Variants in AGTPBP1 observed in about 807,000 individuals in gnomAD.
AGTPBP1 encodes cytosolic carboxypeptidase 1.
A neutral mutation model predicts 143.9 loss-of-function variants in AGTPBP1; 70 were observed. The observed-to-expected ratio is 0.49, with a 90% CI of 0.40 to 0.59. AGTPBP1 has a LOEUF of 0.59. Ranked by LOEUF, AGTPBP1 falls within the 20% of genes least tolerant of loss-of-function variation. The probability of loss-of-function intolerance (pLI) is 0.00; values close to 1 mark genes in which losing one functional copy is unlikely to be tolerated. For missense variants in AGTPBP1, 1,229 were observed against 1,464.5 expected (o/e 0.84, Z 2.62); for synonymous variants, 463 against 500.2 (o/e 0.93, Z 0.99).
intron 4 of AGTPBP1, among the ~76,000 whole-genome samples, chr9:85,679,797 T>C (rs574532389): frequency 8.4e-4 from 128 of 152,210 alleles, no homozygotes; most frequent in Non-Finnish European, 1.7e-3. Context: ...GTGTTTTTTT[T>C]CTACATCCTT....
intron 17 of AGTPBP1, among the ~76,000 whole-genome samples, chr9:85,604,108 C>A (rs1829846480): frequency 6.6e-6 from 1 of 152,204 alleles, no homozygotes; most frequent in African/African-American, 2.4e-5. Flanking sequence ...AGCCCTTGGG[C>A]CTTGAGTGAA....
intron 12 of AGTPBP1, 85 bp downstream of exon 12, chr9:85,646,235 AC>A: frequency 1.2e-6 from 1 of 831,128 alleles, no homozygotes; most frequent in South Asian, 1.6e-5. Context: ...ACCTAAAATT[AC>A]ATATATATTT....
At chr9:85,579,498 A>G (rs1444636439) in intron 23 of AGTPBP1, among the ~76,000 whole-genome samples, 2 of 152,048 alleles carry the variant, frequency 1.3e-5, no homozygotes, top group Non-Finnish European at 2.9e-5. Context: ...AATCACAATC[A>G]AAACTACCCC....
At chr9:85,661,758 A>G (rs1329287615) in intron 8 of AGTPBP1, among the ~76,000 whole-genome samples, 1 of 152,180 alleles carries the variant, frequency 6.6e-6, no homozygotes, top group Non-Finnish European at 1.5e-5. Context: ...TTAATCAGAT[A>G]CTGAAGAAAT....
At chr9:85,734,206 T>C (rs1480346904) in intron 1 of AGTPBP1, among the ~76,000 whole-genome samples, 1 of 152,052 alleles carries the variant, frequency 6.6e-6, no homozygotes, top group Non-Finnish European at 1.5e-5. Flanking sequence ...TGAGCCAAGA[T>C]GGCACCACTG....
chr9:85,746,452 C>T (rs888810322), upstream of AGTPBP1, among the ~76,000 whole-genome samples: 1 of 152,042 alleles, frequency 6.6e-6, no homozygotes, highest in Non-Finnish European at 1.5e-5. Flanking sequence ...TGAGACCCCC[C>T]ACATCTCTAC....
intron 25 of AGTPBP1, among the ~76,000 whole-genome samples, chr9:85,557,433 A>G (rs894018877): frequency 2.0e-5 from 3 of 152,212 alleles, no homozygotes; most frequent in Non-Finnish European, 2.9e-5. Flanking sequence ...TTTCCAAAGT[A>G]CAAGAAGGTA....
intron 3 of AGTPBP1, among the ~76,000 whole-genome samples, chr9:85,688,097 A>T (rs1202822173): frequency 8.1e-4 from 53 of 65,604 alleles, no homozygotes; most frequent in African/African-American, 2.6e-3. Context: ...TCTCAAAATT[A>T]AAAAAAAAAA....
intron 3 of AGTPBP1, among the ~76,000 whole-genome samples, chr9:85,689,636 T>C (rs1416488531): frequency 6.6e-6 from 1 of 152,058 alleles, no homozygotes; most frequent in African/African-American, 2.4e-5. Context: ...GGCTCACGCC[T>C]GTAATCCCAG....
intron 3 of AGTPBP1, among the ~76,000 whole-genome samples, chr9:85,685,961 A>T (rs555963117): frequency 4.6e-5 from 7 of 152,206 alleles, no homozygotes; most frequent in Admixed American, 4.6e-4. Context: ...AAATGAAAAG[A>T]GGTATAACTA....
intron 17 of AGTPBP1, among the ~76,000 whole-genome samples, chr9:85,608,804 A>C (rs1191327042): frequency 6.6e-6 from 1 of 152,154 alleles, no homozygotes; most frequent in Non-Finnish European, 1.5e-5. Flanking sequence ...CAGTGTACTA[A>C]AACTAGAAAT....
chr9:85,597,419 CA>C (rs910554066), intron 17 of AGTPBP1, among the ~76,000 whole-genome samples: 1 of 152,012 alleles, frequency 6.6e-6, no homozygotes, highest in Non-Finnish European at 1.5e-5. Context: ...AATGAAACCT[CA>C]AAAAAATTAT....
intron 25 of AGTPBP1, among the ~76,000 whole-genome samples, chr9:85,565,373 T>C (rs546984603): frequency 1.3e-4 from 20 of 152,150 alleles, no homozygotes; most frequent in Admixed American, 5.9e-4. Context: ...TGCAGACAGG[T>C]TGAATAAAGC....
intron 2 of AGTPBP1, among the ~76,000 whole-genome samples, chr9:85,701,218 T>C (rs1836631610): frequency 6.6e-6 from 1 of 151,352 alleles, no homozygotes; most frequent in South Asian, 2.1e-4. Context: ...GGCCTTTTTT[T>C]TTTTATTTTT....
At chr9:85,617,798 T>G (rs1003862829) in intron 17 of AGTPBP1, among the ~76,000 whole-genome samples, 1 of 151,990 alleles carries the variant, frequency 6.6e-6, no homozygotes, top group African/African-American at 2.4e-5. Flanking sequence ...CCTGCAGAAA[T>G]CAAAAGGATA....
upstream of AGTPBP1, among the ~76,000 whole-genome samples, chr9:85,742,316 A>G (rs1278941617): frequency 1.3e-5 from 2 of 151,836 alleles, no homozygotes; most frequent in Non-Finnish European, 2.9e-5. Flanking sequence ...TACACTCCCA[A>G]CGAGGGCCCC....
chr9:85,682,100 C>T (rs1377713841), intron 3 of AGTPBP1, among the ~76,000 whole-genome samples: 1 of 136,130 alleles, frequency 7.3e-6, no homozygotes, highest in Non-Finnish European at 1.5e-5. Context: ...ACAAAACTAA[C>T]AAAAGGCTAC....
At chr9:85,594,958 T>A (rs1829201825) in intron 18 of AGTPBP1, among the ~76,000 whole-genome samples, 1 of 152,244 alleles carries the variant, frequency 6.6e-6, no homozygotes, top group Non-Finnish European at 1.5e-5. Context: ...AGCCAAGCAC[T>A]GCTCAGATAG....
chr9:85,801,518 T>C, the AGTPBP1 span, among the ~76,000 whole-genome samples: 6 of 152,024 alleles, frequency 3.9e-5, no homozygotes, highest in African/African-American at 1.4e-4. Flanking sequence ...CATCTGTAGA[T>C]GTATCTACTT....
Sources: allele counts gnomAD v4.1 joint callset (sites outside exome capture counted in the v4.1 genomes callset), GRCh38; gene constraint gnomAD v4.1.1; transcripts MANE v1.5; gene names NCBI Gene and HGNC (gene_info 2026-07-23, HGNC 2026-07-21).